RPS6KC1: variants seen among roughly 807,000 people sequenced by gnomAD.
RPS6KC1 encodes ribosomal protein S6 kinase C1.
Under a neutral mutation model 103.8 loss-of-function variants are expected in RPS6KC1, and 54 were observed. The observed-to-expected ratio is 0.52, with a 90% confidence interval of 0.42 to 0.65. RPS6KC1 has a LOEUF of 0.65. RPS6KC1 is among the 30% of genes least tolerant of loss of function. RPS6KC1 has a pLI of 0.00. For synonymous variants in RPS6KC1, 439 were observed against 438.7 expected, an observed-to-expected ratio of 1.00 and a Z score of -0.01; for missense variants, 1,151 against 1,253.8, an observed-to-expected ratio of 0.92 and a Z score of 1.24.
At chr1:213,085,164 G>T (rs1572424517) in intron 3 of RPS6KC1, among the ~76,000 whole-genome samples, 2 of 152,314 alleles carry the variant, frequency 1.3e-5, no homozygotes, top group African/African-American at 4.8e-5. Context: ...GCCTCTTTCA[G>T]CTTTTCGTAG....
chr1:213,689,931 T>C, the RPS6KC1 span, among the ~76,000 whole-genome samples: 1 of 151,966 alleles, frequency 6.6e-6, no homozygotes, highest in Non-Finnish European at 1.5e-5. Context: ...TCTCATGGAG[T>C]GTGGTTGCTG....
chr1:213,528,399 C>A, the RPS6KC1 span, among the ~76,000 whole-genome samples: 1 of 151,778 alleles, frequency 6.6e-6, no homozygotes, highest in African/African-American at 2.4e-5. Context: ...AATTAACTCC[C>A]ATGGCTCCCT....
chr1:213,441,065 C>T, the RPS6KC1 span, among the ~76,000 whole-genome samples: 14 of 152,182 alleles, frequency 9.2e-5, no homozygotes, highest in Non-Finnish European at 1.5e-4. Context: ...GCATACACAG[C>T]TCTTCGGGGG....
chr1:213,614,038 T>C, the RPS6KC1 span, among the ~76,000 whole-genome samples: 1 of 152,298 alleles, frequency 6.6e-6, no homozygotes, highest in East Asian at 1.9e-4. Context: ...TTCTGTTTGA[T>C]CCTCATTATT....
the RPS6KC1 span, among the ~76,000 whole-genome samples, chr1:213,632,277 G>T: frequency 6.6e-6 from 1 of 152,124 alleles, no homozygotes; most frequent in Non-Finnish European, 1.5e-5. Flanking sequence ...ATACCAAGGG[G>T]TATCCCCATT....
the RPS6KC1 span, among the ~76,000 whole-genome samples, chr1:213,829,547 G>A: frequency 6.6e-6 from 1 of 152,172 alleles, no homozygotes; most frequent in Non-Finnish European, 1.5e-5. Context: ...TACCAGAATT[G>A]TTTTTAACTA....
chr1:213,853,885 G>A, the RPS6KC1 span, among the ~76,000 whole-genome samples: 2 of 152,236 alleles, frequency 1.3e-5, no homozygotes, highest in African/African-American at 2.4e-5. Flanking sequence ...CTCAGCCCTC[G>A]ACTGCCTCTC....
At chr1:213,588,717 A>G in the RPS6KC1 span, among the ~76,000 whole-genome samples, 2 of 152,092 alleles carry the variant, frequency 1.3e-5, no homozygotes, top group African/African-American at 2.4e-5. Flanking sequence ...ACAAAGCGTC[A>G]TCCTCCTGGG....
the RPS6KC1 span, among the ~76,000 whole-genome samples, chr1:213,759,034 A>G: frequency 6.6e-6 from 1 of 152,212 alleles, no homozygotes; most frequent in African/African-American, 2.4e-5. Context: ...CATGCTACAG[A>G]GACTCTTTTG....
At chr1:213,651,596 A>G in the RPS6KC1 span, among the ~76,000 whole-genome samples, 1 of 152,170 alleles carries the variant, frequency 6.6e-6, no homozygotes, top group Non-Finnish European at 1.5e-5. Flanking sequence ...CTTTGATTTT[A>G]ATTTATAGAT....
At chr1:213,504,262 CAAAT>C in the RPS6KC1 span, among the ~76,000 whole-genome samples, 124 of 152,210 alleles carry the variant, frequency 8.1e-4, no homozygotes, top group African/African-American at 2.8e-3. Flanking sequence ...ATTTCTTTCT[CAAAT>C]AGAGTTTTGT....
At chr1:213,207,358 A>C (rs974134479) in intron 8 of RPS6KC1, among the ~76,000 whole-genome samples, 1 of 152,202 alleles carries the variant, frequency 6.6e-6, no homozygotes, top group African/African-American at 2.4e-5. Flanking sequence ...ACTCAGGAAA[A>C]GAGACTGAAG....
chr1:213,070,998 T>C lies in RPS6KC1; in HGVS notation c.106-8T>C, dbSNP rs1448548557. On this transcript the variant is annotated splice_polypyrimidine_tract_variant and splice_region_variant and intron_variant, in intron 1 of 14. Coordinates refer to ENST00000366960, the MANE Select transcript of RPS6KC1 (RefSeq NM_012424.6). ...TGATTAGAGATTTCTATGTATGTTT[T>C]GTTTTAGGTTGTTTCACGAAGAAAT... The C allele has an allele frequency of 2.0e-6, 3 of 1,515,578 alleles. No homozygotes were observed. Among genetic ancestry groups the C allele is most frequent in the African/African-American group, 2.8e-5 (2 of 71,548 alleles). The allele number at this position is 1,515,578 out of a possible 1,614,324, so 93.9% of individuals were successfully genotyped here. A position where few individuals can be genotyped will look rare whatever the true frequency, so the allele number is the denominator to read the frequency against.
At chr1:213,715,609 C>G in the RPS6KC1 span, among the ~76,000 whole-genome samples, 1 of 152,228 alleles carries the variant, frequency 6.6e-6, no homozygotes. Context: ...TGAAAATTCA[C>G]AGAGAGCTTT....
chr1:213,858,485 C>T, the RPS6KC1 span, among the ~76,000 whole-genome samples: 1 of 152,124 alleles, frequency 6.6e-6, no homozygotes, highest in Non-Finnish European at 1.5e-5. Flanking sequence ...GTCCCAGCCT[C>T]AAAGAGGTCA....
intron 14 of RPS6KC1, among the ~76,000 whole-genome samples, chr1:213,271,729 A>T (rs1349294482): frequency 7.3e-6 from 1 of 137,794 alleles, no homozygotes; most frequent in Non-Finnish European, 1.5e-5. Context: ...GCGCCACTGC[A>T]CTCCAGCCTG....
the RPS6KC1 span, among the ~76,000 whole-genome samples, chr1:213,585,723 G>A: frequency 5.9e-5 from 9 of 152,240 alleles, no homozygotes; most frequent in East Asian, 1.9e-4. Context: ...TCCTCCTGAG[G>A]CCTCCCTACT....
intron 8 of RPS6KC1, among the ~76,000 whole-genome samples, chr1:213,184,649 AG>A (rs1418567149): frequency 6.6e-6 from 1 of 152,094 alleles, no homozygotes; most frequent in Non-Finnish European, 1.5e-5. Context: ...CTTTTCTCTT[AG>A]TGCTGATTTT....
intron 6 of RPS6KC1, among the ~76,000 whole-genome samples, chr1:213,132,763 C>T (rs376522952): frequency 8.6e-5 from 13 of 152,030 alleles, no homozygotes; most frequent in African/African-American, 3.1e-4. Flanking sequence ...ATTGGCATGC[C>T]TTATAATAAA....
Sources: allele counts gnomAD v4.1 joint callset (sites outside exome capture counted in the v4.1 genomes callset), GRCh38; gene constraint gnomAD v4.1.1; transcripts MANE v1.5; gene names NCBI Gene and HGNC (gene_info 2026-07-23, HGNC 2026-07-21).